EBF2: variants seen among roughly 807,000 people sequenced by gnomAD.
EBF2 encodes transcription factor COE2.
In EBF2, 21 loss-of-function variants were observed where a neutral mutation model predicts 72.8. The ratio of observed to expected loss-of-function variants is 0.29; its 90% CI spans 0.20 to 0.42. The LOEUF (loss-of-function observed/expected upper bound fraction) is 0.42. EBF2 is among the 10% of genes least tolerant of loss of function. EBF2 has a pLI of 1.00. For missense variants in EBF2, 637 were observed against 731.2 expected, an observed-to-expected ratio of 0.87 and a Z score of 1.49; for synonymous variants, 299 against 274.2, an observed-to-expected ratio of 1.09 and a Z score of -0.89.
chr8:26,014,589 T>G (rs1281454946), intron 6 of EBF2, among the ~76,000 whole-genome samples: 2 of 152,194 alleles, frequency 1.3e-5, no homozygotes, highest in Non-Finnish European at 2.9e-5. Flanking sequence ...GGGTTTCGAT[T>G]TTGCTTAACA....
At chr8:26,038,465 T>C (rs1248264735) in intron 5 of EBF2, among the ~76,000 whole-genome samples, 1 of 152,190 alleles carries the variant, frequency 6.6e-6, no homozygotes, top group Non-Finnish European at 1.5e-5. Flanking sequence ...GGATGGGGCA[T>C]GCAAGTATTA....
chr8:25,910,437 T>C (rs367618610), intron 6 of EBF2, among the ~76,000 whole-genome samples: 216 of 152,260 alleles, frequency 1.4e-3, no homozygotes, highest in African/African-American at 4.7e-3. Context: ...ATTTAGTCCT[T>C]GATTTCTGGA....
At chr8:25,991,738 T>A (rs1250628785) in intron 6 of EBF2, among the ~76,000 whole-genome samples, 2 of 151,744 alleles carry the variant, frequency 1.3e-5, no homozygotes, top group Non-Finnish European at 2.9e-5. Context: ...CTCAGCTACT[T>A]GGGAGGCTGA....
chr8:25,939,164 G>A (rs945626573), intron 6 of EBF2, among the ~76,000 whole-genome samples: 1 of 152,114 alleles, frequency 6.6e-6, no homozygotes, highest in Non-Finnish European at 1.5e-5. Context: ...CTCAAATTCT[G>A]CAAACTTTTC....
At chr8:26,041,833 G>A (rs558587919) in intron 2 of EBF2, among the ~76,000 whole-genome samples, 4 of 152,260 alleles carry the variant, frequency 2.6e-5, no homozygotes, top group African/African-American at 9.6e-5. Context: ...TTGCTCCGCC[G>A]TCAGTCCATA....
chr8:25,971,283 T>C (rs1163825023), intron 6 of EBF2, among the ~76,000 whole-genome samples: 1 of 152,062 alleles, frequency 6.6e-6, no homozygotes, highest in Non-Finnish European at 1.5e-5. Flanking sequence ...GAAAGAGTGA[T>C]GAAAAAATAA....
intron 9 of EBF2, 131 bp downstream of exon 9, chr8:25,887,711 T>A: frequency 9.0e-7 from 1 of 1,116,960 alleles, no homozygotes; most frequent in Non-Finnish European, 1.2e-6. Flanking sequence ...GATACTTATC[T>A]TCTTAAGAAA....
In EBF2 at chr8:25,956,234, C is replaced by A. The variant is rs182851233; in HGVS notation, c.552-47679G>T. On this transcript the variant is annotated intron_variant, in intron 6 of 15. Coordinates refer to ENST00000520164, the MANE Select transcript of EBF2 (RefSeq NM_022659.4). ...GGGAGTTCGAGACCAGCCTGACCAACATGGAGAAACCCCGTCTCTACTAAA... is the reference window on the plus strand; with the variant it reads ...GGGAGTTCGAGACCAGCCTGACCAAAATGGAGAAACCCCGTCTCTACTAAA... Among the ~76,000 whole-genome samples the A allele has an allele frequency of 6.8e-3, 1,040 of 152,160 alleles. 14 individuals are homozygous for A. Among genetic ancestry groups the A allele is most frequent in the African/African-American group, 0.024 (998 of 41,528 alleles).
intron 10 of EBF2, among the ~76,000 whole-genome samples, chr8:25,868,255 T>A (rs1253476769): frequency 6.6e-6 from 1 of 152,220 alleles, no homozygotes; most frequent in East Asian, 1.9e-4. Context: ...AAAGGTGTCC[T>A]GCACAGTATG....
At chr8:25,855,202 T>C (rs550851218) in intron 14 of EBF2, among the ~76,000 whole-genome samples, 1 of 152,310 alleles carries the variant, frequency 6.6e-6, no homozygotes, top group South Asian at 2.1e-4. Flanking sequence ...TTGGCTTGCA[T>C]AGTCTCAGCT....
At chr8:25,872,537 A>C (rs7824277) in intron 10 of EBF2, among the ~76,000 whole-genome samples, 1 of 151,848 alleles carries the variant, frequency 6.6e-6, no homozygotes, top group African/African-American at 2.4e-5. Flanking sequence ...GCTTCACTTC[A>C]TCAGATGTGC....
chr8:25,851,278 G>A (rs903404893), intron 14 of EBF2, among the ~76,000 whole-genome samples: 1 of 147,910 alleles, frequency 6.8e-6, no homozygotes, highest in African/African-American at 2.4e-5. Context: ...ATCTCTATGG[G>A]CCACTTCCTC....
intron 15 of EBF2, among the ~76,000 whole-genome samples, chr8:25,850,373 C>T (rs886706342): frequency 6.6e-5 from 10 of 152,178 alleles, no homozygotes; most frequent in Non-Finnish European, 2.9e-5. Flanking sequence ...CTTGGCCTCC[C>T]GAAGTGCTGG....
intron 6 of EBF2, among the ~76,000 whole-genome samples, chr8:26,026,057 G>A (rs988447005): frequency 2.0e-5 from 3 of 152,144 alleles, no homozygotes; most frequent in Admixed American, 6.5e-5. Context: ...CACAACTGTA[G>A]TCCTAGATAC....
At chr8:26,018,612 A>C (rs560045744) in intron 6 of EBF2, among the ~76,000 whole-genome samples, 6 of 151,824 alleles carry the variant, frequency 4.0e-5, no homozygotes, top group African/African-American at 1.4e-4. Flanking sequence ...CGGAGGTTGC[A>C]GTGAGCCGAG....
At chr8:25,889,900 G>A (rs1170395678) in intron 7 of EBF2, 31 bp from the exon 8 acceptor site, 2 of 1,581,786 alleles carry the variant, frequency 1.3e-6, no homozygotes, top group Admixed American at 3.4e-5. Flanking sequence ...GGAGAAAGGG[G>A]GTGCAGTGGA....
chr8:26,030,103 G>C (rs1045336743), intron 6 of EBF2, among the ~76,000 whole-genome samples: 1 of 152,060 alleles, frequency 6.6e-6, no homozygotes, highest in East Asian at 1.9e-4. Flanking sequence ...GTAGAGATGG[G>C]ATCCCACTAT....
intron 6 of EBF2, among the ~76,000 whole-genome samples, chr8:25,986,830 G>A (rs1406041148): frequency 6.6e-6 from 1 of 152,204 alleles, no homozygotes; most frequent in Non-Finnish European, 1.5e-5. Flanking sequence ...AAGCCAGCAT[G>A]TTCCAAGATT....
chr8:25,859,677 C>T (rs1802173536), intron 13 of EBF2, among the ~76,000 whole-genome samples: 1 of 151,648 alleles, frequency 6.6e-6, no homozygotes, highest in South Asian at 2.1e-4. Flanking sequence ...GTTCTATGGG[C>T]CTCATGTCTA....
Sources: gnomAD v4.1 joint callset for allele counts (sites outside exome capture counted in the v4.1 genomes callset) on GRCh38, gnomAD v4.1.1 for gene constraint, MANE v1.5 for transcripts, NCBI Gene and HGNC (gene_info 2026-07-23, HGNC 2026-07-21) for gene names.